Variants in STAU2 observed in about 807,000 individuals in gnomAD.
STAU2 encodes the protein staufen double-stranded RNA binding protein 2.
Under a neutral mutation model 65.9 loss-of-function variants are expected in STAU2, and 20 were observed. The ratio of observed to expected loss-of-function variants is 0.30; its 90% CI spans 0.21 to 0.44. The LOEUF is 0.44. Among genes scored for constraint, STAU2 ranks in the 20% least tolerant of loss-of-function variants. The pLI is 1.00. For synonymous variants in STAU2, 232 were observed against 233.9 expected, an observed-to-expected ratio of 0.99 and a Z score of 0.07; for missense variants, 558 against 683.9, an observed-to-expected ratio of 0.82 and a Z score of 2.05.
At chr8:73,477,575 G>A (rs1396011297) in intron 13 of STAU2, among the ~76,000 whole-genome samples, 1 of 152,232 alleles carries the variant, frequency 6.6e-6, no homozygotes. Flanking sequence ...CAATTTGGCT[G>A]CTGTGCAGAA....
At chr8:73,651,567 G>C in intron 6 of STAU2, 1 of 839,672 alleles carries the variant, frequency 1.2e-6, no homozygotes, top group Non-Finnish European at 1.9e-6. Context: ...CTGTGCCCTT[G>C]GGCACCCCTG....
intron 13 of STAU2, among the ~76,000 whole-genome samples, chr8:73,513,091 T>C (rs1428135898): frequency 6.6e-6 from 1 of 152,152 alleles, no homozygotes; most frequent in African/African-American, 2.4e-5. Context: ...TCTTTAAATA[T>C]CTTGTAATTT....
At chr8:73,506,647 G>A (rs1317975374) in intron 13 of STAU2, among the ~76,000 whole-genome samples, 1 of 152,130 alleles carries the variant, frequency 6.6e-6, no homozygotes, top group East Asian at 1.9e-4. Flanking sequence ...GCTGAAGACT[G>A]GGGTGGCTAT....
intron 9 of STAU2, among the ~76,000 whole-genome samples, chr8:73,605,830 CACACAT>C (rs1183670556): frequency 5.8e-5 from 8 of 137,690 alleles, no homozygotes; most frequent in Non-Finnish European, 9.4e-5. Flanking sequence ...GATATATATA[CACACAT>C]ACACATACAC....
chr8:73,618,942 T>C (rs571086127), intron 6 of STAU2, among the ~76,000 whole-genome samples: 16 of 152,306 alleles, frequency 1.1e-4, no homozygotes, highest in South Asian at 2.1e-4. Context: ...ACAGTGAAGA[T>C]TGCAAAAGAA....
chr8:73,444,359 T>C (rs1364553911), intron 13 of STAU2, among the ~76,000 whole-genome samples: 1 of 145,768 alleles, frequency 6.9e-6, no homozygotes, highest in Admixed American at 7.0e-5. Context: ...TGAGCCGAGA[T>C]CGCATCATTG....
chr8:73,511,012 C>T (rs778475357), intron 13 of STAU2, among the ~76,000 whole-genome samples: 3 of 152,238 alleles, frequency 2.0e-5, no homozygotes, highest in Admixed American at 6.5e-5. Context: ...GCGTGGGCAA[C>T]GTTCTTGGTG....
intron 6 of STAU2, among the ~76,000 whole-genome samples, chr8:73,671,114 T>A (rs1380957772): frequency 1.3e-5 from 2 of 152,000 alleles, no homozygotes; most frequent in Non-Finnish European, 2.9e-5. Flanking sequence ...TCACTAGTAA[T>A]CAATAAAATT....
intron 4 of STAU2, among the ~76,000 whole-genome samples, chr8:73,700,456 A>G (rs985780259): frequency 1.3e-5 from 2 of 152,174 alleles, no homozygotes; most frequent in Non-Finnish European, 2.9e-5. Flanking sequence ...TAGAACAGAT[A>G]AACAAATTTA....
intron 13 of STAU2, 175 bp downstream of exon 13, chr8:73,551,837 A>G: frequency 7.8e-7 from 1 of 1,280,752 alleles, no homozygotes; most frequent in Non-Finnish European, 9.9e-7. Flanking sequence ...AAATAAGAGA[A>G]AATGAGGCAT....
chr8:73,579,057 G>A (rs1288243029), intron 12 of STAU2, among the ~76,000 whole-genome samples: 1 of 141,176 alleles, frequency 7.1e-6, no homozygotes. Context: ...AAACCAGCAG[G>A]CAATCTACCC....
chr8:73,492,625 T>C (rs1292932744), intron 13 of STAU2, among the ~76,000 whole-genome samples: 1 of 151,896 alleles, frequency 6.6e-6, no homozygotes, highest in African/African-American at 2.4e-5. Flanking sequence ...ATTCTTGTTA[T>C]TAAAATTCAT....
chr8:73,423,307 CG>C (rs1563580691), intron 13 of STAU2, among the ~76,000 whole-genome samples: 1 of 152,146 alleles, frequency 6.6e-6, no homozygotes, highest in Admixed American at 6.5e-5. Flanking sequence ...TTGATAGGCT[CG>C]GGGTGCGTGG....
At position 73,490,281 on chromosome 8, in the gene STAU2, G is replaced by A. The variant is rs549215992; in HGVS notation, c.1530+61731C>T. Among the ~76,000 whole-genome samples the A allele has an allele frequency of 4.7e-4, 72 of 152,070 alleles. 1 individual carries two copies. The highest frequency in any genetic ancestry group is 3.5e-3 in the Admixed American group (53 of 15,256). On this transcript the variant is annotated intron_variant, in intron 13 of 14. Transcript: ENST00000524300. ...GCCATCAACTTGACAAATGGACACC[G>A]CGCAACCCTCTGCCTCCCACTGAAA...
At chr8:73,494,492 AACCTCTATT>A (rs1203819308) in intron 13 of STAU2, among the ~76,000 whole-genome samples, 4 of 151,892 alleles carry the variant, frequency 2.6e-5, no homozygotes, top group African/African-American at 9.6e-5. Flanking sequence ...CTGACATTTT[AACCTCTATT>A]AATAGACACT....
chr8:73,712,922 A>C (rs185826655), intron 3 of STAU2, among the ~76,000 whole-genome samples: 1 of 152,308 alleles, frequency 6.6e-6, no homozygotes, highest in Non-Finnish European at 1.5e-5. Context: ...ACAGAGTGAG[A>C]TCCTCTCTCA....
chr8:73,503,835 C>T (rs977788398), intron 13 of STAU2, among the ~76,000 whole-genome samples: 1 of 152,040 alleles, frequency 6.6e-6, no homozygotes, highest in African/African-American at 2.4e-5. Flanking sequence ...CTTTGTAGGA[C>T]ACCACCTCCA....
chr8:73,729,200 C>T (rs574099209), intron 3 of STAU2, among the ~76,000 whole-genome samples: 122 of 152,268 alleles, frequency 8.0e-4, no homozygotes, highest in Non-Finnish European at 1.4e-3. Context: ...GGGTTTTCCC[C>T]GCTTCATTCT....
At chr8:73,729,724 A>G (rs1805910149) in intron 3 of STAU2, among the ~76,000 whole-genome samples, 1 of 152,076 alleles carries the variant, frequency 6.6e-6, no homozygotes, top group South Asian at 2.1e-4. Flanking sequence ...CAATCTGTTC[A>G]CTTGTAAGTC....
Sources: gnomAD v4.1 joint callset for allele counts (sites outside exome capture counted in the v4.1 genomes callset) on GRCh38, gnomAD v4.1.1 for gene constraint, MANE v1.5 for transcripts, NCBI Gene and HGNC (gene_info 2026-07-23, HGNC 2026-07-21) for gene names.